The following AFF1 variants were observed in gnomAD, a reference collection of about 807,000 sequenced individuals.
AFF1 encodes the protein AF4/FMR2 family member 1.
In AFF1, 48 loss-of-function variants were observed where a neutral mutation model predicts 121.7. That is an observed-to-expected ratio of 0.39 (90% CI 0.31 to 0.50). AFF1 has a LOEUF of 0.50. AFF1 is among the 20% of genes least tolerant of loss of function. The pLI is 0.76. For synonymous variants in AFF1, 613 were observed against 563.0 expected (o/e 1.09, Z -1.26); for missense variants, 1,523 against 1,511.7 (o/e 1.01, Z -0.12).
intron 5 of AFF1, among the ~76,000 whole-genome samples, chr4:87,086,019 G>A (rs1456540641): frequency 4.6e-5 from 7 of 152,116 alleles, no homozygotes; most frequent in African/African-American, 7.2e-5. Context: ...GATTACAGGC[G>A]TGAGCCACCG....
At chr4:86,976,806 A>G (rs1393708846) in intron 2 of AFF1, among the ~76,000 whole-genome samples, 1 of 152,188 alleles carries the variant, frequency 6.6e-6, no homozygotes, top group Non-Finnish European at 1.5e-5. Context: ...CTGGGTGCCT[A>G]CCTCGGTGTC....
At chr4:87,081,431 G>C (rs1723169026) in intron 4 of AFF1, among the ~76,000 whole-genome samples, 2 of 152,030 alleles carry the variant, frequency 1.3e-5, no homozygotes, top group Non-Finnish European at 2.9e-5. Flanking sequence ...CAAAGTGCTG[G>C]GATTACAGGC....
chr4:87,130,087 G>A (rs1011173097), intron 16 of AFF1, among the ~76,000 whole-genome samples: 1 of 150,956 alleles, frequency 6.6e-6, no homozygotes, highest in African/African-American at 2.4e-5. Context: ...CGACTCTCCT[G>A]CCTCAGCCTC....
At chr4:87,015,805 C>T (rs1013374264) in intron 2 of AFF1, among the ~76,000 whole-genome samples, 1 of 152,202 alleles carries the variant, frequency 6.6e-6, no homozygotes, top group African/African-American at 2.4e-5. Flanking sequence ...TAGCATAAAA[C>T]TTCGTTTTCT....
At chr4:87,044,371 A>G (rs1311019095) in intron 2 of AFF1, among the ~76,000 whole-genome samples, 1 of 152,194 alleles carries the variant, frequency 6.6e-6, no homozygotes, top group Non-Finnish European at 1.5e-5. Flanking sequence ...GCAGAGTACC[A>G]TGCTTTAGCA....
At chr4:86,980,337 A>G (rs1723636723) in intron 2 of AFF1, among the ~76,000 whole-genome samples, 1 of 152,216 alleles carries the variant, frequency 6.6e-6, no homozygotes, top group Non-Finnish European at 1.5e-5. Flanking sequence ...AGTTGGCTTA[A>G]AAAACCCAGC....
At chr4:87,095,036 A>G in intron 8 of AFF1, 67 bp downstream of exon 8, 1 of 1,432,638 alleles carries the variant, frequency 7.0e-7, no homozygotes, top group African/African-American at 1.4e-5. Flanking sequence ...ATGTCAATGC[A>G]TTGCTTAGAT....
chr4:87,139,087 C>T lies in AFF1; in HGVS notation c.*3386C>T, dbSNP rs949984188. On this transcript the variant is annotated 3_prime_UTR_variant, in exon 21 of 21. Transcript: ENST00000395146. ...AGAAGCAAGAAGAAAGCCATTGTGT[C>T]CTCTACAATTAACAAAACTTATCTC... 1 of 227,034 alleles carries T rather than the reference C, an allele frequency of 4.4e-6. No individual in the cohort carries two copies. 14.1% of individuals were successfully genotyped at this position (227,034 alleles called of 1,614,324 possible). A position where few individuals can be genotyped will look rare whatever the true frequency, so the allele number is the denominator to read the frequency against.
chr4:87,109,930 G>T (rs1024242235), intron 11 of AFF1, among the ~76,000 whole-genome samples: 4 of 152,054 alleles, frequency 2.6e-5, no homozygotes, highest in Non-Finnish European at 4.4e-5. Flanking sequence ...TTATCCTCCT[G>T]GGAATATTTT....
rs780943915 is a variant in AFF1, at chr4:87,115,284, G to A, written c.2451G>A (p.Leu817=). The A allele has an allele frequency of 1.9e-6, 3 of 1,602,328 alleles. No individual in the cohort carries two copies. Among genetic ancestry groups the A allele is most frequent in the East Asian group, 2.3e-5 (1 of 44,338 alleles). Residue 817 remains leucine, a synonymous_variant, in exon 12 of 21, where the codon TTG becomes TTA. Coordinates refer to ENST00000395146, the MANE Select transcript of AFF1 (RefSeq NM_001166693.3). ...GGAGCTCAGACAGCTCAAGCAAGTT[G>A]GCCAAAAAGAGAAAGGTGAGTGTGG... ...EKRSSDSSSK[L]AKKRKGEAER... is the part of the protein sequence containing the mutation.
At chr4:87,119,290 T>G (rs1459045690) in intron 12 of AFF1, among the ~76,000 whole-genome samples, 1 of 152,088 alleles carries the variant, frequency 6.6e-6, no homozygotes, top group Non-Finnish European at 1.5e-5. Flanking sequence ...CCTCTAAAAA[T>G]GTACCTGGCT....
intron 2 of AFF1, among the ~76,000 whole-genome samples, chr4:87,031,826 T>C (rs1268962811): frequency 6.6e-6 from 1 of 152,150 alleles, no homozygotes; most frequent in Non-Finnish European, 1.5e-5. Context: ...TTTACAGCCT[T>C]ATCAAGAACT....
chr4:87,046,308 T>C (rs200923585), intron 3 of AFF1, 22 bp downstream of exon 3: 53 of 1,604,100 alleles, frequency 3.3e-5, no homozygotes, highest in Non-Finnish European at 4.4e-5. Flanking sequence ...ACACTAGACA[T>C]TGAAGTCCTG....
At chr4:87,036,905 C>T (rs558766823) in intron 2 of AFF1, 47 of 409,216 alleles carry the variant, frequency 1.1e-4, no homozygotes, top group South Asian at 5.8e-4. Context: ...GACCTGGGCT[C>T]GCTGTAACCT....
intron 8 of AFF1, 33 bp downstream of exon 8, chr4:87,095,002 T>A: frequency 6.3e-7 from 1 of 1,590,046 alleles, no homozygotes; most frequent in East Asian, 2.2e-5. Flanking sequence ...ATTAAAATTT[T>A]GTAGTATGAA....
intron 4 of AFF1, among the ~76,000 whole-genome samples, chr4:87,066,809 C>T (rs1027702591): frequency 2.6e-5 from 4 of 152,190 alleles, no homozygotes; most frequent in African/African-American, 9.7e-5. Context: ...TGGACAGCAC[C>T]TCAGCCTCTG....
intron 2 of AFF1, among the ~76,000 whole-genome samples, chr4:86,986,911 G>A (rs986458235): frequency 6.6e-6 from 1 of 151,860 alleles, no homozygotes; most frequent in Non-Finnish European, 1.5e-5. Flanking sequence ...AGGCTGGGGT[G>A]CAGTGGTATG....
intron 2 of AFF1, among the ~76,000 whole-genome samples, chr4:86,991,476 C>T (rs910376047): frequency 4.6e-5 from 7 of 151,562 alleles, no homozygotes; most frequent in African/African-American, 9.7e-5. Flanking sequence ...ATGCAGCCAA[C>T]ATATATAGCC....
At chr4:86,998,928 G>T (rs548992881) in intron 2 of AFF1, among the ~76,000 whole-genome samples, 89 of 152,316 alleles carry the variant, frequency 5.8e-4, no homozygotes, top group African/African-American at 2.0e-3. Flanking sequence ...GCCAGGAAAA[G>T]GATCTCTAGT....
Sources: allele counts gnomAD v4.1 joint callset (sites outside exome capture counted in the v4.1 genomes callset), GRCh38; gene constraint gnomAD v4.1.1; transcripts MANE v1.5; gene names NCBI Gene and HGNC (gene_info 2026-07-23, HGNC 2026-07-21).